Variants in KRT27 observed in about 807,000 individuals in gnomAD.
The protein encoded by KRT27 is keratin, type I cytoskeletal 27.
Under a neutral mutation model 45.3 loss-of-function variants are expected in KRT27, and 30 were observed. That is an observed-to-expected ratio of 0.66 (90% CI 0.50 to 0.90). The LOEUF (loss-of-function observed/expected upper bound fraction) is 0.90, where lower values mean the gene tolerates loss of function less well. Among genes scored for constraint, KRT27 ranks in the 40% least tolerant of loss-of-function variants. The pLI, the probability that KRT27 is intolerant of heterozygous loss-of-function variation, is 0.00. For synonymous variants in KRT27, 204 were observed against 223.9 expected (o/e 0.91, Z 0.79); for missense variants, 610 against 564.3 (o/e 1.08, Z -0.82).
At chr17:40,779,930 C>G (rs1229634730) in intron 3 of KRT27, 69 bp from the exon 4 acceptor site, 1 of 1,510,868 alleles carries the variant, frequency 6.6e-7, no homozygotes, top group Non-Finnish European at 8.9e-7. Flanking sequence ...GAGTTAGGGT[C>G]TCGCTCTGAT....
Sources: gnomAD v4.1 joint callset for allele counts on GRCh38, gnomAD v4.1.1 for gene constraint, MANE v1.5 for transcripts, NCBI Gene and HGNC (gene_info 2026-07-23, HGNC 2026-07-21) for gene names.